PITPNC1: variants seen among roughly 807,000 people sequenced by gnomAD.
PITPNC1 encodes the protein cytoplasmic phosphatidylinositol transfer protein 1.
PITPNC1 carries 18 observed loss-of-function variants against 44.7 expected under a neutral mutation model. That is an observed-to-expected ratio of 0.40 (90% confidence interval 0.28 to 0.60). The LOEUF (loss-of-function observed/expected upper bound fraction) is 0.60. Ranked by LOEUF, PITPNC1 falls within the 20% of genes least tolerant of loss-of-function variation. The probability of loss-of-function intolerance (pLI) is 0.39; values close to 1 mark genes in which losing one functional copy is unlikely to be tolerated. For missense variants in PITPNC1, 290 were observed against 418.4 expected, an observed-to-expected ratio of 0.69 and a Z score of 2.68; for synonymous variants, 141 against 149.6, an observed-to-expected ratio of 0.94 and a Z score of 0.42.
At chr17:67,403,218 CAAAAAAAAA>C (rs34768084) in intron 1 of PITPNC1, among the ~76,000 whole-genome samples, 9 of 68,962 alleles carry the variant, frequency 1.3e-4, no homozygotes, top group Middle Eastern at 0.014. Flanking sequence ...CTCATCTCTA[CAAAAAAAAA>C]AAAAAAAAAA....
intron 1 of PITPNC1, among the ~76,000 whole-genome samples, chr17:67,380,480 T>C (rs2037941405): frequency 6.6e-6 from 1 of 152,240 alleles, no homozygotes; most frequent in East Asian, 1.9e-4. Flanking sequence ...AAAGTATGAT[T>C]CAGTTTCTGT....
intron 4 of PITPNC1, among the ~76,000 whole-genome samples, chr17:67,553,874 T>A (rs1184992786): frequency 6.6e-6 from 1 of 152,244 alleles, no homozygotes; most frequent in Non-Finnish European, 1.5e-5. Flanking sequence ...TTGTAATTTT[T>A]AAATAGCTTG....
intron 1 of PITPNC1, among the ~76,000 whole-genome samples, chr17:67,425,540 G>T (rs1484859116): frequency 8.6e-5 from 9 of 104,986 alleles, no homozygotes; most frequent in African/African-American, 2.9e-4. Flanking sequence ...TTTTTTTTTA[G>T]AGACAGGGTC....
rs896219955 is a variant in PITPNC1, at chr17:67,446,948, A to G, written c.48+68746A>G. ...CTACTAAAAATACAAAAATTAGCCA[A>G]GTATGGTGGCGGGCACCTGTAATCG... On this transcript the variant is annotated intron_variant, in intron 1 of 8. Coordinates refer to ENST00000581322, the MANE Select transcript of PITPNC1 (RefSeq NM_012417.4). 3.3e-5 allele frequency among the ~76,000 whole-genome samples: 5 copies of G among 151,544 alleles called. No homozygotes were observed. In the Admixed American group the frequency reaches 3.3e-4, roughly 10 times the overall value.
At chr17:67,639,093 A>T (rs1279446811) in intron 6 of PITPNC1, 1 of 148,508 alleles carries the variant, frequency 6.7e-6, no homozygotes, top group Admixed American at 6.7e-5. Context: ...ACTGCACTCC[A>T]GCCTGGGAAA....
At chr17:67,593,102 G>A (rs1399241330) in intron 5 of PITPNC1, among the ~76,000 whole-genome samples, 3 of 152,078 alleles carry the variant, frequency 2.0e-5, no homozygotes, top group African/African-American at 7.2e-5. Flanking sequence ...AATTCCAAAA[G>A]TGTTTACAAA....
chr17:67,380,338 G>T (rs1421553900), intron 1 of PITPNC1, among the ~76,000 whole-genome samples: 1 of 152,094 alleles, frequency 6.6e-6, no homozygotes, highest in African/African-American at 2.4e-5. Flanking sequence ...GCCTCCCAAA[G>T]TGCTGGGATT....
At chr17:67,632,116 C>T (rs370306139) in intron 5 of PITPNC1, 27 bp from the exon 6 acceptor site, 8 of 1,475,434 alleles carry the variant, frequency 5.4e-6, no homozygotes, top group East Asian at 4.5e-5. Flanking sequence ...TATCACTAAC[C>T]TTTGATATGT....
At chr17:67,518,175 C>G (rs531434665) in intron 1 of PITPNC1, among the ~76,000 whole-genome samples, 1 of 152,276 alleles carries the variant, frequency 6.6e-6, no homozygotes, top group African/African-American at 2.4e-5. Context: ...ATACTGAAAA[C>G]AGCTTCTATA....
chr17:67,387,420 C>T (rs1218549598), intron 1 of PITPNC1, among the ~76,000 whole-genome samples: 3 of 152,188 alleles, frequency 2.0e-5, no homozygotes, highest in African/African-American at 4.8e-5. Context: ...AATCCCAGCA[C>T]TTTGGGGTGC....
chr17:67,551,290 A>G (rs1055953488), intron 2 of PITPNC1, among the ~76,000 whole-genome samples: 1 of 152,208 alleles, frequency 6.6e-6, no homozygotes, highest in African/African-American at 2.4e-5. Context: ...CCAGAGGAAC[A>G]GCTGTGTCAT....
intron 1 of PITPNC1, among the ~76,000 whole-genome samples, chr17:67,435,808 T>C (rs1294536405): frequency 6.6e-6 from 1 of 151,978 alleles, no homozygotes; most frequent in African/African-American, 2.4e-5. Flanking sequence ...GCCGAGATCA[T>C]GCCACTGTAC....
At chr17:67,380,078 CTTTTTTT>C (rs527469040) in intron 1 of PITPNC1, among the ~76,000 whole-genome samples, 2 of 139,652 alleles carry the variant, frequency 1.4e-5, no homozygotes, top group Admixed American at 1.4e-4. Flanking sequence ...CTTTTCTTTT[CTTTTTTT>C]TTTTTTTGAG....
At chr17:67,629,266 G>GTGTGTGTGTGTGTGTGTGTGTGTGTGTGT (rs1555574240) in intron 5 of PITPNC1, among the ~76,000 whole-genome samples, 4 of 150,274 alleles carry the variant, frequency 2.7e-5, no homozygotes, top group East Asian at 2.0e-4. Flanking sequence ...GTGTGTGTGT[G>GTGTGTGTGTGTGTGTGTGTGTGTGTGTGT]GTTTTTGTTG....
chr17:67,640,473 A>G, intron 6 of PITPNC1, among the ~76,000 whole-genome samples: 1 of 151,782 alleles, frequency 6.6e-6, no homozygotes, highest in Non-Finnish European at 1.5e-5. Context: ...TGAGGTCAGG[A>G]GTTCGAGACC....
At chr17:67,387,155 G>A (rs1478299107) in intron 1 of PITPNC1, among the ~76,000 whole-genome samples, 1 of 152,180 alleles carries the variant, frequency 6.6e-6, no homozygotes, top group Non-Finnish European at 1.5e-5. Context: ...CACACCGCCA[G>A]GGGGCGCCAT....
chr17:67,466,336 T>C (rs1232755735), intron 1 of PITPNC1, among the ~76,000 whole-genome samples: 1 of 152,134 alleles, frequency 6.6e-6, no homozygotes, highest in African/African-American at 2.4e-5. Context: ...AAAGTCAGCC[T>C]TTTGTACCCC....
intron 5 of PITPNC1, among the ~76,000 whole-genome samples, chr17:67,587,747 C>T (rs756598876): frequency 6.6e-6 from 1 of 152,174 alleles, no homozygotes; most frequent in Non-Finnish European, 1.5e-5. Flanking sequence ...AATAAACGAT[C>T]TCATTAATTT....
intron 8 of PITPNC1, among the ~76,000 whole-genome samples, chr17:67,682,426 G>A (rs182719202): frequency 6.0e-4 from 91 of 152,278 alleles, no homozygotes; most frequent in Admixed American, 9.8e-4. Context: ...CACTGGCAGA[G>A]GAGAACGTTC....
Sources: gnomAD v4.1 joint callset for allele counts (sites outside exome capture counted in the v4.1 genomes callset) on GRCh38, gnomAD v4.1.1 for gene constraint, MANE v1.5 for transcripts, NCBI Gene and HGNC (gene_info 2026-07-23, HGNC 2026-07-21) for gene names.